Variants in SCHIP1 observed in about 807,000 individuals in gnomAD.
The protein encoded by SCHIP1 is schwannomin interacting protein 1.
In SCHIP1, 8 loss-of-function variants were observed where a neutral mutation model predicts 29.7. The observed-to-expected ratio is 0.27, with a 90% CI of 0.16 to 0.49. SCHIP1 has a LOEUF of 0.49. Ranked by LOEUF, SCHIP1 falls within the 20% of genes least tolerant of loss-of-function variation. The pLI is 0.99. For synonymous variants in SCHIP1, 76 were observed against 94.9 expected (o/e 0.80, Z 1.16); for missense variants, 193 against 294.6 (o/e 0.66, Z 2.52).
At chr3:159,575,446 CT>C in the SCHIP1 span, among the ~76,000 whole-genome samples, 1 of 151,774 alleles carries the variant, frequency 6.6e-6, no homozygotes, top group Admixed American at 6.6e-5. Flanking sequence ...TCTTTATTAT[CT>C]TTTTTTGAGA....
the SCHIP1 span, among the ~76,000 whole-genome samples, chr3:159,442,345 C>A: frequency 6.6e-6 from 1 of 152,246 alleles, no homozygotes; most frequent in Middle Eastern, 3.4e-3. Flanking sequence ...TGGTCCCCAG[C>A]AGGAAGAGTC....
At chr3:159,309,037 G>A in the SCHIP1 span, 981 of 152,222 alleles carry the variant, frequency 6.4e-3, 4 homozygotes, top group Non-Finnish European at 8.4e-3. Context: ...GGGTGGGTTC[G>A]AAAACTACCT....
the SCHIP1 span, among the ~76,000 whole-genome samples, chr3:159,778,753 A>G: frequency 6.6e-6 from 1 of 152,116 alleles, no homozygotes; most frequent in Non-Finnish European, 1.5e-5. Flanking sequence ...TCCTCTTCCA[A>G]TCAGGTTGCC....
chr3:159,358,014 T>A, the SCHIP1 span, among the ~76,000 whole-genome samples: 1 of 152,224 alleles, frequency 6.6e-6, no homozygotes, highest in Non-Finnish European at 1.5e-5. Context: ...GGTGGTGATA[T>A]TTAAACCAAA....
At chr3:159,329,196 C>T in the SCHIP1 span, among the ~76,000 whole-genome samples, 1 of 152,132 alleles carries the variant, frequency 6.6e-6, no homozygotes, top group Non-Finnish European at 1.5e-5. Context: ...CATACATACA[C>T]ACACACAACC....
chr3:159,757,067 T>C, the SCHIP1 span, among the ~76,000 whole-genome samples: 7 of 152,372 alleles, frequency 4.6e-5, no homozygotes, highest in African/African-American at 1.4e-4. Flanking sequence ...CCTCTGCCTG[T>C]TCCCTAGTTC....
the SCHIP1 span, among the ~76,000 whole-genome samples, chr3:159,609,123 T>C: frequency 2.6e-4 from 39 of 152,266 alleles, no homozygotes; most frequent in Middle Eastern, 3.4e-3. Context: ...CCAAGTTATA[T>C]CAAAATTTCA....
At chr3:159,749,787 A>G in the SCHIP1 span, among the ~76,000 whole-genome samples, 2 of 152,332 alleles carry the variant, frequency 1.3e-5, no homozygotes, top group African/African-American at 2.4e-5. Flanking sequence ...TGCATATTCT[A>G]ATAAAGGTAT....
At chr3:159,443,554 G>C in the SCHIP1 span, among the ~76,000 whole-genome samples, 1 of 152,062 alleles carries the variant, frequency 6.6e-6, no homozygotes, top group Non-Finnish European at 1.5e-5. Context: ...CTGTCACCAG[G>C]CTGGAGTACA....
the SCHIP1 span, among the ~76,000 whole-genome samples, chr3:159,799,862 A>G: frequency 6.6e-6 from 1 of 152,162 alleles, no homozygotes; most frequent in Non-Finnish European, 1.5e-5. Flanking sequence ...TTTTAAGTGG[A>G]GAAGTGATGC....
the SCHIP1 span, among the ~76,000 whole-genome samples, chr3:159,429,692 T>A: frequency 1.3e-5 from 2 of 152,142 alleles, no homozygotes; most frequent in Admixed American, 6.6e-5. Context: ...TGCAAAAAGA[T>A]AAACACAAGA....
At chr3:159,303,630 C>T in the SCHIP1 span, among the ~76,000 whole-genome samples, 2 of 151,932 alleles carry the variant, frequency 1.3e-5, no homozygotes, top group African/African-American at 4.8e-5. Context: ...GGATTGAGAG[C>T]TAGGGGAAAG....
the SCHIP1 span, among the ~76,000 whole-genome samples, chr3:159,553,302 C>G: frequency 6.7e-6 from 1 of 150,134 alleles, no homozygotes; most frequent in East Asian, 1.9e-4. Flanking sequence ...AAAAAACTGA[C>G]CCATTTGTTT....
the SCHIP1 span, among the ~76,000 whole-genome samples, chr3:159,807,855 C>A: frequency 1.3e-5 from 2 of 152,278 alleles, no homozygotes; most frequent in African/African-American, 4.8e-5. Flanking sequence ...CTCCCAATAA[C>A]CCTGTAAGGC....
intron 1 of SCHIP1, among the ~76,000 whole-genome samples, chr3:159,854,894 C>G (rs909132853): frequency 6.6e-6 from 1 of 152,294 alleles, no homozygotes; most frequent in South Asian, 2.1e-4. Context: ...ACCCAGATGC[C>G]TGGAATAAGT....
chr3:159,541,315 G>A, the SCHIP1 span, among the ~76,000 whole-genome samples: 1 of 152,108 alleles, frequency 6.6e-6, no homozygotes, highest in South Asian at 2.1e-4. Context: ...AAGAAAGTTA[G>A]AGCAGATGGC....
chr3:159,659,410 G>A, the SCHIP1 span, among the ~76,000 whole-genome samples: 1 of 152,226 alleles, frequency 6.6e-6, no homozygotes, highest in Non-Finnish European at 1.5e-5. Flanking sequence ...GAGAATCACT[G>A]GGATAAGAAT....
chr3:159,411,564 C>A, the SCHIP1 span, among the ~76,000 whole-genome samples: 3 of 151,918 alleles, frequency 2.0e-5, no homozygotes, highest in African/African-American at 7.3e-5. Context: ...TTAAATAATC[C>A]AAGAAATAAA....
chr3:159,611,825 C>G, the SCHIP1 span, among the ~76,000 whole-genome samples: 1,182 of 152,132 alleles, frequency 7.8e-3, 12 homozygotes, highest in African/African-American at 0.027. Context: ...ACCAGAAGAC[C>G]CTCTGCTTCT....
Sources: allele counts gnomAD v4.1 joint callset (sites outside exome capture counted in the v4.1 genomes callset), GRCh38; gene constraint gnomAD v4.1.1; transcripts MANE v1.5; gene names NCBI Gene and HGNC (gene_info 2026-07-23, HGNC 2026-07-21).